The following TMEM132D variants were observed in gnomAD, a reference collection of about 807,000 sequenced individuals.
TMEM132D encodes mature OL transmembrane protein.
TMEM132D carries 21 observed loss-of-function variants against 62.3 expected under a neutral mutation model. The observed-to-expected ratio is 0.34, with a 90% CI of 0.24 to 0.49. TMEM132D has a LOEUF of 0.49. TMEM132D is among the 20% of genes least tolerant of loss of function. The pLI is 0.99. For missense variants in TMEM132D, 1,346 were observed against 1,402.8 expected (o/e 0.96, Z 0.65); for synonymous variants, 621 against 575.6 (o/e 1.08, Z -1.13).
chr12:129,131,929 G>A (rs1024328702), intron 5 of TMEM132D, among the ~76,000 whole-genome samples: 9 of 152,110 alleles, frequency 5.9e-5, no homozygotes, highest in African/African-American at 2.2e-4. Context: ...GGAGACCACA[G>A]GGTAAACTTT....
chr12:129,074,665 T>C lies in TMEM132D; in HGVS notation c.2510A>G (p.Gln837Arg), dbSNP rs2135604093. ...PKKPSQEWGS[Q>R]EGQYYGSSSM... ...AGAACTGCCATAGTACTGTCCTTCC[T>C]GACTCCCCCATTCCTGCGAGGGTTT... Residue 837 changes from glutamine to arginine, a missense_variant, in exon 9 of 9, where the codon CAG becomes CGG. Gln to Arg is a conservative substitution (Grantham distance 43). Transcript: ENST00000422113. 6.2e-7 allele frequency: 1 copy of C among 1,614,202 alleles called. No homozygotes were observed. The highest frequency in any genetic ancestry group is 1.1e-5 in the South Asian group (1 of 91,074).
At chr12:129,123,424 C>T (rs1394908317) in intron 5 of TMEM132D, among the ~76,000 whole-genome samples, 1 of 152,034 alleles carries the variant, frequency 6.6e-6, no homozygotes, top group Non-Finnish European at 1.5e-5. Context: ...ACTGTAGAAG[C>T]TTCAACTCCC....
At chr12:129,500,576 A>G (rs561962691) in intron 3 of TMEM132D, among the ~76,000 whole-genome samples, 1 of 152,310 alleles carries the variant, frequency 6.6e-6, no homozygotes, top group South Asian at 2.1e-4. Context: ...TCTACCTTAG[A>G]CAGAATGTGA....
chr12:129,683,733 T>C (rs534027604), intron 2 of TMEM132D, among the ~76,000 whole-genome samples: 1 of 152,262 alleles, frequency 6.6e-6, no homozygotes, highest in East Asian at 1.9e-4. Flanking sequence ...AATGTAGTAA[T>C]GTACCTGAGG....
chr12:129,889,276 C>A (rs1874845210), intron 1 of TMEM132D, among the ~76,000 whole-genome samples: 1 of 152,152 alleles, frequency 6.6e-6, no homozygotes, highest in Non-Finnish European at 1.5e-5. Context: ...TGTTCTTCTA[C>A]GTTCCCCAGT....
intron 2 of TMEM132D, among the ~76,000 whole-genome samples, chr12:129,571,572 C>A (rs1877514906): frequency 2.0e-5 from 3 of 149,624 alleles, no homozygotes. Flanking sequence ...GACTCCATCT[C>A]AAAAAAAATA....
intron 2 of TMEM132D, among the ~76,000 whole-genome samples, chr12:129,687,180 G>T (rs1218268134): frequency 1.3e-5 from 2 of 152,174 alleles, no homozygotes; most frequent in Admixed American, 6.5e-5. Flanking sequence ...ACTTGCAACA[G>T]AAGTTTATGT....
At chr12:129,131,104 G>A (rs1876362085) in intron 5 of TMEM132D, among the ~76,000 whole-genome samples, 1 of 152,154 alleles carries the variant, frequency 6.6e-6, no homozygotes, top group African/African-American at 2.4e-5. Context: ...AGATCAAAAA[G>A]GGTACTAATG....
chr12:129,837,961 T>C lies in TMEM132D; in HGVS notation c.79+65300A>G, dbSNP rs142404142. 1.4e-4 allele frequency among the ~76,000 whole-genome samples: 21 copies of C among 152,336 alleles called. No homozygotes were observed. In the East Asian group the frequency reaches 4.1e-3, roughly 29 times the overall value. ...CACACAAAATGTAATCCAAAACATCTATTTTTTTCTTTCTCTCTTCAGACA... is the reference window on the plus strand; with the variant it reads ...CACACAAAATGTAATCCAAAACATCCATTTTTTTCTTTCTCTCTTCAGACA... On this transcript the variant is annotated intron_variant, in intron 1 of 8. Transcript: ENST00000422113.
chr12:129,388,843 T>C (rs1189171064), intron 3 of TMEM132D, among the ~76,000 whole-genome samples: 2 of 108,604 alleles, frequency 1.8e-5, no homozygotes, highest in Non-Finnish European at 4.1e-5. Flanking sequence ...ACACCAATAC[T>C]AACACCAACA....
At chr12:129,544,924 C>G (rs527467216) in intron 2 of TMEM132D, among the ~76,000 whole-genome samples, 1 of 152,164 alleles carries the variant, frequency 6.6e-6, no homozygotes, top group African/African-American at 2.4e-5. Context: ...GTCACAACAC[C>G]GCACCAGCGA....
At chr12:129,162,414 G>T (rs777948094) in intron 5 of TMEM132D, among the ~76,000 whole-genome samples, 2 of 152,144 alleles carry the variant, frequency 1.3e-5, no homozygotes, top group African/African-American at 4.8e-5. Flanking sequence ...CCAGTCTATG[G>T]TATTTTGTTA....
At chr12:129,695,703 G>A (rs1881189513) in intron 2 of TMEM132D, among the ~76,000 whole-genome samples, 1 of 152,208 alleles carries the variant, frequency 6.6e-6, no homozygotes, top group Admixed American at 6.5e-5. Context: ...CCTACCCCTG[G>A]CACAGCCAGC....
intron 5 of TMEM132D, among the ~76,000 whole-genome samples, chr12:129,136,216 T>C (rs1876552735): frequency 1.3e-5 from 2 of 152,324 alleles, no homozygotes; most frequent in African/African-American, 4.8e-5. Context: ...ATATAACCTC[T>C]ACTCAGCTCC....
chr12:129,483,167 C>T (rs1187629679), intron 3 of TMEM132D, among the ~76,000 whole-genome samples: 1 of 152,224 alleles, frequency 6.6e-6, no homozygotes, highest in Non-Finnish European at 1.5e-5. Flanking sequence ...TGTCATTACG[C>T]TTCTATCGTG....
At chr12:129,505,668 G>T (rs1382302595) in intron 3 of TMEM132D, among the ~76,000 whole-genome samples, 3 of 152,102 alleles carry the variant, frequency 2.0e-5, no homozygotes, top group African/African-American at 7.2e-5. Flanking sequence ...CATTTATTAG[G>T]TCTAGTAGTA....
At chr12:129,575,410 C>A (rs960850416) in intron 2 of TMEM132D, among the ~76,000 whole-genome samples, 1 of 151,808 alleles carries the variant, frequency 6.6e-6, no homozygotes, top group African/African-American at 2.4e-5. Flanking sequence ...CGCTTGCATG[C>A]TGGTGTTAGA....
intron 1 of TMEM132D, among the ~76,000 whole-genome samples, chr12:129,859,661 G>T (rs1051406130): frequency 6.6e-5 from 10 of 152,120 alleles, no homozygotes; most frequent in African/African-American, 2.4e-4. Flanking sequence ...AGGCAAAGAG[G>T]GTGGGATAAG....
chr12:129,293,094 G>A (rs764154001), intron 4 of TMEM132D, among the ~76,000 whole-genome samples: 2 of 152,162 alleles, frequency 1.3e-5, no homozygotes, highest in African/African-American at 4.8e-5. Flanking sequence ...ACAGAGACTT[G>A]ACTAGCCTGA....
Sources: gnomAD v4.1 joint callset for allele counts (sites outside exome capture counted in the v4.1 genomes callset) on GRCh38, gnomAD v4.1.1 for gene constraint, MANE v1.5 for transcripts, NCBI Gene and HGNC (gene_info 2026-07-23, HGNC 2026-07-21) for gene names.